Variants in ARHGEF6 observed in about 807,000 individuals in gnomAD.
ARHGEF6 encodes Rac/Cdc42 guanine nucleotide exchange factor 6.
ARHGEF6 carries 9 observed loss-of-function variants against 70.3 expected under a neutral mutation model. The ratio of observed to expected loss-of-function variants is 0.13; its 90% CI spans 0.08 to 0.22. ARHGEF6 has a LOEUF of 0.22. Among genes scored for constraint, ARHGEF6 ranks in the 10% least tolerant of loss-of-function variants. The pLI is 1.00. For synonymous variants in ARHGEF6, 201 were observed against 207.8 expected (o/e 0.97, Z 0.28); for missense variants, 470 against 563.0 (o/e 0.83, Z 1.67).
intron 6 of ARHGEF6, among the ~76,000 whole-genome samples, chrX:136,717,145 A>G (rs1451597461): frequency 4.5e-5 from 5 of 112,246 alleles, no homozygotes; most frequent in Non-Finnish European, 9.4e-5. Context: ...GATAAATGCA[A>G]AAGAAAATTC....
chrX:136,716,840 G>A, intron 6 of ARHGEF6, among the ~76,000 whole-genome samples: 1 of 112,153 alleles, frequency 8.9e-6, no homozygotes, highest in East Asian at 2.8e-4. Flanking sequence ...TGCACATGAT[G>A]GACTCAATAG....
chrX:136,707,135 G>T, intron 8 of ARHGEF6, 105 bp from the exon 9 acceptor site: 1 of 1,018,252 alleles, frequency 9.8e-7, no homozygotes, highest in Non-Finnish European at 1.4e-6. Flanking sequence ...TGAATATTTT[G>T]CCAAGGTTAA....
intron 6 of ARHGEF6, among the ~76,000 whole-genome samples, chrX:136,719,704 T>G (rs745968292): frequency 1.5e-4 from 17 of 111,111 alleles, no homozygotes; most frequent in African/African-American, 4.2e-4. Context: ...GTAGAGGAAG[T>G]TAAAACCAAA....
chrX:136,685,177 C>T lies in ARHGEF6; in HGVS notation c.1392+500G>A, dbSNP rs143710709. 1.3e-3 allele frequency among the ~76,000 whole-genome samples: 141 copies of T among 111,449 alleles called. 1 individual carries two copies. Among genetic ancestry groups the T allele is most frequent in the African/African-American group, 4.5e-3 (138 of 30,624 alleles). On this transcript the variant is annotated intron_variant, in intron 12 of 21. Transcript: ENST00000250617. ...TAAGATAACAATGACCTCTGCCTTGCGAAATCCTCCCCTTTTGTTTTTGTG... is the reference window on the plus strand; with the variant it reads ...TAAGATAACAATGACCTCTGCCTTGTGAAATCCTCCCCTTTTGTTTTTGTG...
chrX:136,682,041 A>T, intron 13 of ARHGEF6, 73 bp from the exon 14 acceptor site: 1 of 896,248 alleles, frequency 1.1e-6, no homozygotes, highest in Admixed American at 2.2e-5. Context: ...AGATTTTCTG[A>T]CCCTCTCAGC....
chrX:136,707,358 T>C (rs2076636995), intron 8 of ARHGEF6, among the ~76,000 whole-genome samples: 1 of 112,195 alleles, frequency 8.9e-6, no homozygotes, highest in South Asian at 3.7e-4. Context: ...AAAGTTTGAG[T>C]ACAGACAAAA....
chrX:136,708,644 G>A, intron 8 of ARHGEF6, 31 bp downstream of exon 8: 1 of 1,134,250 alleles, frequency 8.8e-7, no homozygotes, highest in Non-Finnish European at 1.2e-6. Flanking sequence ...CAATGTTGCT[G>A]GCTATCCTAT....
chrX:136,744,235 A>T (rs754339568), intron 4 of ARHGEF6, among the ~76,000 whole-genome samples: 1 of 112,147 alleles, frequency 8.9e-6, no homozygotes, highest in South Asian at 3.7e-4. Context: ...ATTACTAAGG[A>T]TATCTTAATT....
intron 2 of ARHGEF6, among the ~76,000 whole-genome samples, chrX:136,776,226 T>C (rs2077403515): frequency 9.0e-6 from 1 of 111,471 alleles, no homozygotes; most frequent in African/African-American, 3.3e-5. Flanking sequence ...AGAACACACA[T>C]AGCCAAAGCA....
intron 2 of ARHGEF6, 43 bp from the exon 3 acceptor site, chrX:136,747,635 T>A (rs1318751404): frequency 1.1e-5 from 9 of 811,645 alleles, no homozygotes; most frequent in Middle Eastern, 3.2e-4. Context: ...CTACAAGTAT[T>A]CAACTCAACA....
At chrX:136,700,633 A>T (rs1372984596) in intron 9 of ARHGEF6, among the ~76,000 whole-genome samples, 1 of 112,293 alleles carries the variant, frequency 8.9e-6, no homozygotes, top group Non-Finnish European at 1.9e-5. Flanking sequence ...CATTAAACAC[A>T]GGCAAGATCC....
intron 12 of ARHGEF6, 47 bp downstream of exon 12, chrX:136,685,630 A>G (rs764301306): frequency 8.4e-6 from 10 of 1,186,182 alleles, no homozygotes; most frequent in Non-Finnish European, 9.1e-6. Flanking sequence ...AAAGGAAGAA[A>G]AATACGAAAG....
intron 2 of ARHGEF6, among the ~76,000 whole-genome samples, chrX:136,776,850 C>G (rs1250244105): frequency 9.6e-6 from 1 of 104,603 alleles, no homozygotes; most frequent in Non-Finnish European, 2.0e-5. Context: ...ACAAGGAACT[C>G]AAACAAATCA....
intron 6 of ARHGEF6, among the ~76,000 whole-genome samples, chrX:136,715,898 G>A (rs968051144): frequency 8.9e-6 from 1 of 112,335 alleles, no homozygotes; most frequent in East Asian, 2.8e-4. Context: ...TTTTACCAGA[G>A]CATAACCTAT....
At chrX:136,735,959 A>G (rs1360563078) in intron 5 of ARHGEF6, among the ~76,000 whole-genome samples, 1 of 111,791 alleles carries the variant, frequency 8.9e-6, no homozygotes, top group Non-Finnish European at 1.9e-5. Context: ...CCCTCAATTG[A>G]TATCTATATT....
At chrX:136,706,738 A>C (rs2076630602) in intron 9 of ARHGEF6, among the ~76,000 whole-genome samples, 170 bp downstream of exon 9, 1 of 112,148 alleles carries the variant, frequency 8.9e-6, no homozygotes, top group Non-Finnish European at 1.9e-5. Context: ...GTAGGTGCTC[A>C]AGAATTTATT....
intron 2 of ARHGEF6, among the ~76,000 whole-genome samples, chrX:136,778,503 TC>T (rs201062598): frequency 9.1e-5 from 10 of 109,851 alleles, no homozygotes; most frequent in African/African-American, 2.7e-4. Flanking sequence ...TTTTTTTTTT[TC>T]GAGACAAGGT....
intron 2 of ARHGEF6, among the ~76,000 whole-genome samples, chrX:136,772,390 TAAA>T (rs891806638): frequency 6.3e-5 from 7 of 111,798 alleles, no homozygotes; most frequent in African/African-American, 2.0e-4. Flanking sequence ...TAAAATAACT[TAAA>T]GAGTGTAATT....
intron 9 of ARHGEF6, among the ~76,000 whole-genome samples, chrX:136,691,197 G>A (rs1603337929): frequency 3.6e-5 from 4 of 111,706 alleles, no homozygotes; most frequent in African/African-American, 1.3e-4. Flanking sequence ...GTTATTGGCT[G>A]GTCAGGTGCC....
Sources: allele counts gnomAD v4.1 joint callset (sites outside exome capture counted in the v4.1 genomes callset), GRCh38; gene constraint gnomAD v4.1.1; transcripts MANE v1.5; gene names NCBI Gene and HGNC (gene_info 2026-07-23, HGNC 2026-07-21).